Variants in MARCHF1 observed in about 807,000 individuals in gnomAD.
MARCHF1 encodes the protein membrane associated ring-CH-type finger 1.
A neutral mutation model predicts 54.2 loss-of-function variants in MARCHF1; 40 were observed. The observed-to-expected ratio is 0.74, with a 90% CI of 0.57 to 0.96. MARCHF1 has a LOEUF of 0.96. Among genes scored for constraint, MARCHF1 ranks in the 40% least tolerant of loss-of-function variants. The pLI, the probability that MARCHF1 is intolerant of heterozygous loss-of-function variation, is 0.00. For missense variants in MARCHF1, 586 were observed against 656.5 expected, an observed-to-expected ratio of 0.89 and a Z score of 1.17; for synonymous variants, 236 against 236.3, an observed-to-expected ratio of 1.00 and a Z score of 0.01.
intron 1 of MARCHF1, among the ~76,000 whole-genome samples, chr4:164,261,059 C>T (rs966197458): frequency 6.6e-6 from 1 of 151,952 alleles, no homozygotes; most frequent in Non-Finnish European, 1.5e-5. Context: ...GAGAAAGGCA[C>T]ACGGGGAGGA....
chr4:164,300,099 C>T (rs1248190110), intron 1 of MARCHF1, among the ~76,000 whole-genome samples: 2 of 152,070 alleles, frequency 1.3e-5, no homozygotes, highest in African/African-American at 4.8e-5. Flanking sequence ...TTTTCTAGAA[C>T]CAGAACACTT....
chr4:163,812,314 T>TATACATGTATACAC lies in MARCHF1; in HGVS notation c.111+41693_111+41706dup, dbSNP rs1748412370. Among the ~76,000 whole-genome samples the TATACATGTATACAC allele has an allele frequency of 4.0e-5, 6 of 151,482 alleles. No homozygotes were observed. The South Asian group carries it at 6.2e-4, about 16-fold the overall frequency. On this transcript the variant is annotated intron_variant, in intron 4 of 9. Transcript: ENST00000514618. Reference sequence around the variant, plus strand: ...TATATATAATACATCTCTTCCTATATATACATGTATACACATACATGTATA... The same window carrying TATACATGTATACAC: ...TATATATAATACATCTCTTCCTATATATACATGTATACACATACATGTATACACATACATGTATA...
intron 4 of MARCHF1, among the ~76,000 whole-genome samples, chr4:163,784,031 T>C (rs1464944898): frequency 6.6e-6 from 1 of 152,238 alleles, no homozygotes; most frequent in Non-Finnish European, 1.5e-5. Context: ...CAGTAGTTCA[T>C]GTTAAACCAA....
At chr4:163,986,296 G>T (rs1399709594) in intron 3 of MARCHF1, among the ~76,000 whole-genome samples, 1 of 47,370 alleles carries the variant, frequency 2.1e-5, no homozygotes, top group African/African-American at 5.6e-5. Flanking sequence ...GGAGTGTCTC[G>T]CTCTGTCGCC....
intron 4 of MARCHF1, among the ~76,000 whole-genome samples, chr4:163,761,634 C>T (rs965114756): frequency 3.3e-5 from 5 of 152,196 alleles, no homozygotes; most frequent in African/African-American, 1.2e-4. Context: ...TCCATGAGCC[C>T]CACAGTAATC....
intron 5 of MARCHF1, among the ~76,000 whole-genome samples, chr4:163,696,980 T>C (rs572749261): frequency 6.6e-6 from 1 of 152,226 alleles, no homozygotes; most frequent in Non-Finnish European, 1.5e-5. Flanking sequence ...CTGTGATTTA[T>C]TTGTATCCTT....
chr4:163,849,519 G>C (rs7690918), intron 4 of MARCHF1, among the ~76,000 whole-genome samples: 62,475 of 151,994 alleles, frequency 0.41, 13,293 homozygotes, highest in East Asian at 0.58. Flanking sequence ...ATTTGTGATA[G>C]AGGCTGGCTA....
intron 2 of MARCHF1, among the ~76,000 whole-genome samples, chr4:164,012,049 T>G (rs923370097): frequency 2.0e-5 from 3 of 152,230 alleles, no homozygotes; most frequent in Admixed American, 1.3e-4. Flanking sequence ...GGGAAATTTC[T>G]TACACCAGCA....
At chr4:164,303,347 CA>C (rs1326799043) in intron 1 of MARCHF1, among the ~76,000 whole-genome samples, 18 of 152,126 alleles carry the variant, frequency 1.2e-4, no homozygotes. Context: ...ATTTCCCTTT[CA>C]AGAAATGAAA....
chr4:163,951,393 A>G (rs144531312), intron 3 of MARCHF1, among the ~76,000 whole-genome samples: 1 of 152,342 alleles, frequency 6.6e-6, no homozygotes, highest in Non-Finnish European at 1.5e-5. Flanking sequence ...AGTTTGAAGA[A>G]AATATGCCAA....
In MARCHF1 at chr4:164,108,329, G is replaced by C. The variant is rs1229388537; in HGVS notation, c.-248+3259C>G. Among the ~76,000 whole-genome samples the C allele has an allele frequency of 2.0e-5, 3 of 151,984 alleles. No homozygotes were observed. The East Asian group carries it at 5.8e-4, about 29-fold the overall frequency. ...TTTATTTTATTCTATCTGTAATAAC[G>C]ATTTTTTACTAAGTTTTACCTGTAT... On this transcript the variant is annotated intron_variant, in intron 2 of 9. Coordinates refer to ENST00000514618, the MANE Select transcript of MARCHF1 (RefSeq NM_001394959.1).
At chr4:163,931,008 A>G (rs1170876435) in intron 3 of MARCHF1, among the ~76,000 whole-genome samples, 4 of 152,158 alleles carry the variant, frequency 2.6e-5, no homozygotes, top group Non-Finnish European at 5.9e-5. Flanking sequence ...AGGAGGTAAC[A>G]AAGGTTAAAT....
At chr4:163,735,777 A>G (rs1184146101) in intron 4 of MARCHF1, among the ~76,000 whole-genome samples, 2 of 152,036 alleles carry the variant, frequency 1.3e-5, no homozygotes, top group African/African-American at 4.8e-5. Flanking sequence ...ATACTGGAAC[A>G]CTCATTGTTA....
At chr4:163,538,824 A>G in intron 9 of MARCHF1, among the ~76,000 whole-genome samples, 1 of 152,060 alleles carries the variant, frequency 6.6e-6, no homozygotes, top group South Asian at 2.1e-4. Flanking sequence ...AGCTTGTTTC[A>G]ATAATAGCCC....
At chr4:163,947,177 G>C (rs1296870832) in intron 3 of MARCHF1, among the ~76,000 whole-genome samples, 1 of 152,042 alleles carries the variant, frequency 6.6e-6, no homozygotes, top group Admixed American at 6.6e-5. Flanking sequence ...TTATAGGAAG[G>C]CTTTTCACTT....
chr4:163,700,143 C>G (rs1046197672), intron 5 of MARCHF1, among the ~76,000 whole-genome samples: 3 of 152,004 alleles, frequency 2.0e-5, no homozygotes, highest in African/African-American at 7.2e-5. Context: ...GATATAGTTT[C>G]AACTTGGATA....
chr4:164,088,267 G>A (rs768134265), intron 2 of MARCHF1, among the ~76,000 whole-genome samples: 13 of 152,118 alleles, frequency 8.5e-5, no homozygotes, highest in East Asian at 5.8e-4. Flanking sequence ...ATAAATTGGC[G>A]TTCAAAGGTT....
intron 1 of MARCHF1, among the ~76,000 whole-genome samples, chr4:164,120,553 G>T (rs552702354): frequency 5.3e-5 from 8 of 152,154 alleles, no homozygotes; most frequent in Non-Finnish European, 1.0e-4. Context: ...TCAGCACGTG[G>T]ATCATTCTTA....
chr4:163,871,369 A>T (rs1750165010), intron 3 of MARCHF1, among the ~76,000 whole-genome samples: 1 of 152,198 alleles, frequency 6.6e-6, no homozygotes, highest in South Asian at 2.1e-4. Flanking sequence ...ACAACCCAAT[A>T]GTCTCAGTAT....
Sources: allele counts gnomAD v4.1 joint callset (sites outside exome capture counted in the v4.1 genomes callset), GRCh38; gene constraint gnomAD v4.1.1; transcripts MANE v1.5; gene names NCBI Gene and HGNC (gene_info 2026-07-23, HGNC 2026-07-21).